ASTN2: variants seen among roughly 807,000 people sequenced by gnomAD.
ASTN2 encodes astrotactin-2.
In ASTN2, 54 loss-of-function variants were observed where a neutral mutation model predicts 139.8. The observed-to-expected ratio is 0.39, with a 90% confidence interval of 0.31 to 0.48. ASTN2 has a LOEUF of 0.48. Among genes scored for constraint, ASTN2 ranks in the 20% least tolerant of loss-of-function variants. ASTN2 has a pLI of 0.95. For missense variants in ASTN2, 1,565 were observed against 1,725.1 expected (o/e 0.91, Z 1.64); for synonymous variants, 756 against 719.5 (o/e 1.05, Z -0.81).
chr9:116,908,549 G>T (rs1359000102), intron 10 of ASTN2, among the ~76,000 whole-genome samples: 1 of 152,120 alleles, frequency 6.6e-6, no homozygotes, highest in Non-Finnish European at 1.5e-5. Flanking sequence ...TTTTTATTCT[G>T]GTTGTTTCCT....
chr9:116,591,261 A>G (rs1854367922), intron 19 of ASTN2, among the ~76,000 whole-genome samples: 1 of 152,170 alleles, frequency 6.6e-6, no homozygotes, highest in African/African-American at 2.4e-5. Context: ...GGTGCCAGCC[A>G]TGGAAGCTGC....
At chr9:116,781,774 A>G (rs1410291383) in intron 13 of ASTN2, among the ~76,000 whole-genome samples, 1 of 151,960 alleles carries the variant, frequency 6.6e-6, no homozygotes, top group East Asian at 1.9e-4. Context: ...ACTTCCGGTT[A>G]ACTTGTCATT....
intron 3 of ASTN2, among the ~76,000 whole-genome samples, chr9:117,184,448 G>T (rs181508194): frequency 6.6e-6 from 1 of 152,290 alleles, no homozygotes; most frequent in Admixed American, 6.5e-5. Context: ...GAAATCATGA[G>T]GAAGTGATAT....
At chr9:116,961,362 A>G (rs1032474509) in intron 10 of ASTN2, among the ~76,000 whole-genome samples, 2 of 152,044 alleles carry the variant, frequency 1.3e-5, no homozygotes, top group Admixed American at 1.3e-4. Context: ...CCCATCAAAC[A>G]ATAACTCTCC....
At chr9:117,328,600 T>C (rs1828598150) in intron 1 of ASTN2, among the ~76,000 whole-genome samples, 1 of 152,180 alleles carries the variant, frequency 6.6e-6, no homozygotes, top group South Asian at 2.1e-4. Context: ...TGATTGTTAA[T>C]TAATCCCTCA....
chr9:116,949,883 G>A lies in ASTN2; in HGVS notation c.1889+25325C>T, dbSNP rs1289797886. On this transcript the variant is annotated intron_variant, in intron 10 of 22. Transcript: ENST00000313400. Reference sequence around the variant, plus strand: ...AATAATTGTACCTATCTCATAATGCGTTTGTGAGGATTAAATAAGGCAACT... The same window carrying A: ...AATAATTGTACCTATCTCATAATGCATTTGTGAGGATTAAATAAGGCAACT... 4.6e-5 allele frequency among the ~76,000 whole-genome samples: 7 copies of A among 152,108 alleles called. No individual in the cohort carries two copies. The South Asian group carries it at 6.2e-4, about 14-fold the overall frequency.
intron 15 of ASTN2, among the ~76,000 whole-genome samples, chr9:116,728,790 G>A (rs576486448): frequency 6.6e-6 from 1 of 152,076 alleles, no homozygotes; most frequent in East Asian, 1.9e-4. Context: ...CTGTGCCACC[G>A]CTTCCCCATT....
intron 16 of ASTN2, among the ~76,000 whole-genome samples, chr9:116,679,686 G>A (rs1385172008): frequency 2.0e-5 from 3 of 152,146 alleles, no homozygotes; most frequent in Admixed American, 2.0e-4. Flanking sequence ...TCAGAACACA[G>A]TGCAATCAAA....
At chr9:117,106,761 T>C (rs1829114690) in intron 4 of ASTN2, among the ~76,000 whole-genome samples, 1 of 151,436 alleles carries the variant, frequency 6.6e-6, no homozygotes. Context: ...CCTGTGAATT[T>C]TGTAAAAAAT....
At chr9:116,550,203 A>G (rs1323875774) in intron 19 of ASTN2, among the ~76,000 whole-genome samples, 1 of 152,206 alleles carries the variant, frequency 6.6e-6, no homozygotes, top group Non-Finnish European at 1.5e-5. Context: ...CTACGTGACC[A>G]GATTTACATC....
intron 7 of ASTN2, among the ~76,000 whole-genome samples, chr9:116,994,966 G>A (rs1836970257): frequency 6.6e-6 from 1 of 152,170 alleles, no homozygotes; most frequent in Non-Finnish European, 1.5e-5. Context: ...GGATTGCCAT[G>A]TTGATATTCT....
At chr9:117,002,499 G>C (rs1837220670) in intron 7 of ASTN2, among the ~76,000 whole-genome samples, 1 of 152,278 alleles carries the variant, frequency 6.6e-6, no homozygotes, top group South Asian at 2.1e-4. Flanking sequence ...GAATAAGAGA[G>C]TAAGACCAGG....
At chr9:117,142,101 G>A (rs1264067636) in intron 3 of ASTN2, among the ~76,000 whole-genome samples, 2 of 152,218 alleles carry the variant, frequency 1.3e-5, no homozygotes, top group Non-Finnish European at 2.9e-5. Context: ...GTAATTTATG[G>A]TAGTTACAAG....
intron 19 of ASTN2, among the ~76,000 whole-genome samples, chr9:116,492,335 GC>G (rs939490208): frequency 7.2e-5 from 11 of 152,296 alleles, no homozygotes; most frequent in Non-Finnish European, 1.3e-4. Flanking sequence ...GCCTGCTTCA[GC>G]CTCCCAAAGT....
At chr9:116,700,832 C>T (rs962888636) in intron 16 of ASTN2, 1 of 166,860 alleles carries the variant, frequency 6.0e-6, no homozygotes, top group Non-Finnish European at 1.5e-5. Flanking sequence ...CATTTTGCTT[C>T]CTTATCTCAC....
chr9:116,514,914 A>T (rs1850576278), intron 19 of ASTN2, among the ~76,000 whole-genome samples: 2 of 152,192 alleles, frequency 1.3e-5, no homozygotes, highest in South Asian at 4.2e-4. Context: ...CTTGGCTAGG[A>T]AAGGGAATTC....
intron 19 of ASTN2, among the ~76,000 whole-genome samples, chr9:116,572,332 T>G (rs1448236544): frequency 1.3e-5 from 2 of 152,118 alleles, no homozygotes; most frequent in Middle Eastern, 3.2e-3. Flanking sequence ...CAGTGTTGCG[T>G]GGTGTGGGAG....
intron 4 of ASTN2, among the ~76,000 whole-genome samples, chr9:117,107,975 GA>G (rs1230201304): frequency 1.3e-5 from 2 of 152,122 alleles, no homozygotes; most frequent in African/African-American, 4.8e-5. Flanking sequence ...GAATAAACCT[GA>G]AAAGGAGCAG....
chr9:117,277,758 T>C (rs1358229450), intron 2 of ASTN2, among the ~76,000 whole-genome samples: 2 of 152,350 alleles, frequency 1.3e-5, no homozygotes, highest in East Asian at 1.9e-4. Flanking sequence ...ATATTATCTA[T>C]GGATTTTAGT....
Sources: gnomAD v4.1 joint callset for allele counts (sites outside exome capture counted in the v4.1 genomes callset) on GRCh38, gnomAD v4.1.1 for gene constraint, MANE v1.5 for transcripts, NCBI Gene and HGNC (gene_info 2026-07-23, HGNC 2026-07-21) for gene names.